UNC13B: variants seen among roughly 807,000 people sequenced by gnomAD.
UNC13B encodes unc-13 homolog B.
A neutral mutation model predicts 211.0 loss-of-function variants in UNC13B; 144 were observed. The observed-to-expected ratio is 0.68, with a 90% CI of 0.60 to 0.78. UNC13B has a LOEUF of 0.78. UNC13B is among the 30% of genes least tolerant of loss of function. UNC13B has a pLI of 0.00. For missense variants in UNC13B, 1,777 were observed against 2,002.0 expected, an observed-to-expected ratio of 0.89 and a Z score of 2.14; for synonymous variants, 709 against 725.8, an observed-to-expected ratio of 0.98 and a Z score of 0.37.
chr9:35,308,855 T>A (rs527701817), intron 9 of UNC13B, among the ~76,000 whole-genome samples: 1 of 152,324 alleles, frequency 6.6e-6, no homozygotes, highest in South Asian at 2.1e-4. Context: ...TTGCTTTGTT[T>A]TTTCAAGTCT....
intron 11 of UNC13B, chr9:35,362,111 T>A (rs964045478): frequency 6.6e-6 from 1 of 152,206 alleles, no homozygotes; most frequent in African/African-American, 2.4e-5. Flanking sequence ...GCAAGTCTAG[T>A]GGCAGAGAGA....
At chr9:35,399,782 T>C in intron 36 of UNC13B, 53 bp downstream of exon 36, 1 of 1,578,658 alleles carries the variant, frequency 6.3e-7, no homozygotes, top group Non-Finnish European at 8.7e-7. Context: ...CACTTGGCCC[T>C]GGCATTCCAC....
intron 7 of UNC13B, among the ~76,000 whole-genome samples, chr9:35,270,752 T>A (rs1458535538): frequency 6.6e-6 from 1 of 152,200 alleles, no homozygotes; most frequent in Non-Finnish European, 1.5e-5. Context: ...TAGAAGTTAA[T>A]CAAGGTTCAC....
At chr9:35,294,420 C>T (rs1178474913) in intron 7 of UNC13B, among the ~76,000 whole-genome samples, 1 of 152,102 alleles carries the variant, frequency 6.6e-6, no homozygotes, top group Non-Finnish European at 1.5e-5. Context: ...GATTCTTCCG[C>T]CTAAGCCTCC....
intron 6 of UNC13B, among the ~76,000 whole-genome samples, chr9:35,254,309 C>A (rs186086795): frequency 6.6e-6 from 1 of 152,292 alleles, no homozygotes; most frequent in Admixed American, 6.5e-5. Context: ...GATGGGAAGT[C>A]TAAAATCAAG....
At chr9:35,402,426 C>T (rs111415387) in intron 37 of UNC13B, among the ~76,000 whole-genome samples, 3,593 of 151,900 alleles carry the variant, frequency 0.024, 138 homozygotes, top group African/African-American at 0.082. Context: ...GGACTACAGG[C>T]GCCTGCCACC....
chr9:35,376,779 G>A (rs997558962), intron 15 of UNC13B, among the ~76,000 whole-genome samples: 5 of 152,168 alleles, frequency 3.3e-5, no homozygotes, highest in Admixed American at 2.0e-4. Flanking sequence ...GACCCCCAGG[G>A]CCTTGGCTAA....
intron 26 of UNC13B, among the ~76,000 whole-genome samples, chr9:35,395,197 A>G (rs1006897966): frequency 6.6e-6 from 1 of 151,930 alleles, no homozygotes; most frequent in Non-Finnish European, 1.5e-5. Flanking sequence ...ACAAGCAACC[A>G]CTGTCATTCA....
At chr9:35,328,596 TCCCC>T (rs1831151987) in intron 11 of UNC13B, among the ~76,000 whole-genome samples, 2 of 142,802 alleles carry the variant, frequency 1.4e-5, no homozygotes, top group South Asian at 4.6e-4. Context: ...TTCTGAATTG[TCCCC>T]TTCCTTCCTT....
intron 37 of UNC13B, among the ~76,000 whole-genome samples, chr9:35,402,283 T>TC (rs1260486647): frequency 7.6e-6 from 1 of 131,598 alleles, no homozygotes; most frequent in East Asian, 2.1e-4. Context: ...TCTTTTTTTC[T>TC]TTTTTTTTTT....
At chr9:35,327,602 G>T (rs1035274839) in intron 11 of UNC13B, among the ~76,000 whole-genome samples, 3 of 152,140 alleles carry the variant, frequency 2.0e-5, no homozygotes, top group Non-Finnish European at 4.4e-5. Context: ...ATTAGATTGT[G>T]CCCACCCACA....
intron 1 of UNC13B, among the ~76,000 whole-genome samples, chr9:35,200,294 G>C (rs922215178): frequency 5.3e-5 from 8 of 152,130 alleles, no homozygotes; most frequent in Admixed American, 5.2e-4. Context: ...TGTTCTTTTG[G>C]CTTAGGATTG....
intron 3 of UNC13B, among the ~76,000 whole-genome samples, chr9:35,235,539 A>G (rs1265799263): frequency 2.0e-5 from 3 of 152,006 alleles, no homozygotes; most frequent in African/African-American, 7.2e-5. Flanking sequence ...CCTGGGTTCA[A>G]GTGATTCTTG....
intron 11 of UNC13B, among the ~76,000 whole-genome samples, chr9:35,324,518 G>A (rs765367139): frequency 1.4e-4 from 21 of 152,308 alleles, no homozygotes; most frequent in Non-Finnish European, 2.5e-4. Context: ...AAAAGTCTGC[G>A]TCAGAGATCC....
chr9:35,305,698 C>T lies in UNC13B; in HGVS notation c.6294C>T (p.Ser2098=), dbSNP rs1829891745. 1 of 398,788 alleles carries T rather than the reference C, an allele frequency of 2.5e-6. No individual in the cohort carries two copies. The highest frequency in any genetic ancestry group is 2.1e-5 in the African/African-American group (1 of 48,594). The allele number at this position is 398,788 out of a possible 1,614,324, so 24.7% of individuals were successfully genotyped here. ...CAACAAGTAGTCTCAAAGAGTCTTC[C>T]AGGGAGTCTTCAGTAGAAACTAGTG... ...SFSTSSLKES[S]RESSVETSGV... Residue 2098 remains serine, a synonymous_variant, in exon 9 of 40, where the codon TCC becomes TCT. Transcript: ENST00000635942.
chr9:35,201,032 G>A (rs920745179), intron 1 of UNC13B, among the ~76,000 whole-genome samples: 1 of 152,128 alleles, frequency 6.6e-6, no homozygotes, highest in Admixed American at 6.5e-5. Flanking sequence ...TTTATTGAGA[G>A]TTTTTAGCAT....
At chr9:35,325,537 A>G (rs1035555179) in intron 11 of UNC13B, among the ~76,000 whole-genome samples, 1 of 152,162 alleles carries the variant, frequency 6.6e-6, no homozygotes, top group African/African-American at 2.4e-5. Flanking sequence ...GTGGCTTGAC[A>G]ACAAATTCTT....
At chr9:35,248,254 T>TCA (rs1826223114) in intron 6 of UNC13B, among the ~76,000 whole-genome samples, 2 of 152,328 alleles carry the variant, frequency 1.3e-5, no homozygotes, top group South Asian at 4.1e-4. Context: ...TTTTCTTCTT[T>TCA]ATTAGTCTTG....
In UNC13B at chr9:35,304,231, T is replaced by C. The variant is rs146939721; in HGVS notation, c.4827T>C (p.Pro1609=). The C allele has an allele frequency of 1.8e-5, 7 of 398,704 alleles. No homozygotes were observed. The East Asian group carries it at 2.5e-4, about 14-fold the overall frequency. 24.7% of individuals were successfully genotyped at this position (398,704 alleles called of 1,614,324 possible). A position where few individuals can be genotyped will look rare whatever the true frequency, so the allele number is the denominator to read the frequency against. The change falls in exon 9 of 40, where the codon CCT becomes CCC. Residue 1609 remains proline (P), a synonymous_variant. Transcript: ENST00000635942. ...TTGAAGAGGAACCAATTGATGACCC[T>C]CTTGATTTATCTTTAGCTTTGCCAA... ...WYVEEEPIDD[P]LDLSLALPRS...
Sources: allele counts gnomAD v4.1 joint callset (sites outside exome capture counted in the v4.1 genomes callset), GRCh38; gene constraint gnomAD v4.1.1; transcripts MANE v1.5; gene names NCBI Gene and HGNC (gene_info 2026-07-23, HGNC 2026-07-21).